The following MASP1 variants were observed in gnomAD, a reference collection of about 807,000 sequenced individuals.
MASP1 encodes mannan-binding lectin serine protease 1.
A neutral mutation model predicts 77.1 loss-of-function variants in MASP1; 59 were observed. The observed-to-expected ratio is 0.77, with a 90% CI of 0.62 to 0.95. MASP1 has a LOEUF of 0.95. Among genes scored for constraint, MASP1 ranks in the 40% least tolerant of loss-of-function variants. The pLI is 0.00. For synonymous variants in MASP1, 362 were observed against 354.5 expected (o/e 1.02, Z -0.24); for missense variants, 885 against 912.9 (o/e 0.97, Z 0.39).
chr3:187,251,963 T>A (rs1714645708), intron 6 of MASP1, among the ~76,000 whole-genome samples: 1 of 152,220 alleles, frequency 6.6e-6, no homozygotes, highest in African/African-American at 2.4e-5. Flanking sequence ...ACTTGTAGAA[T>A]GAAATGGTTG....
chr3:187,247,672 T>A (rs1442581368), intron 8 of MASP1, among the ~76,000 whole-genome samples: 1 of 152,234 alleles, frequency 6.6e-6, no homozygotes, highest in Non-Finnish European at 1.5e-5. Context: ...TGCCTGCATC[T>A]GGTCCAAACC....
At chr3:187,251,136 A>G (rs1418290279) in intron 7 of MASP1, among the ~76,000 whole-genome samples, 1 of 151,784 alleles carries the variant, frequency 6.6e-6, no homozygotes, top group African/African-American at 2.4e-5. Flanking sequence ...TTTTTGTATT[A>G]TTTAGTAGAG....
intron 10 of MASP1, among the ~76,000 whole-genome samples, chr3:187,240,222 C>A (rs1713516773): frequency 6.6e-6 from 1 of 151,716 alleles, no homozygotes; most frequent in Admixed American, 6.6e-5. Flanking sequence ...AATATACCAA[C>A]CGTGTACTAG....
intron 13 of MASP1, among the ~76,000 whole-genome samples, chr3:187,224,588 C>T (rs1274847710): frequency 1.3e-5 from 2 of 151,862 alleles, no homozygotes; most frequent in South Asian, 2.1e-4. Context: ...CCTCGTGATC[C>T]GCCCGCCTCG....
At chr3:187,222,011 C>T (rs1712088796) in intron 14 of MASP1, among the ~76,000 whole-genome samples, 1 of 152,146 alleles carries the variant, frequency 6.6e-6, no homozygotes, top group Non-Finnish European at 1.5e-5. Context: ...TCCTGTTGCC[C>T]TTGCTGGGAG....
chr3:187,267,880 A>C (rs1321681514), intron 2 of MASP1, among the ~76,000 whole-genome samples: 1 of 147,096 alleles, frequency 6.8e-6, no homozygotes, highest in Non-Finnish European at 1.5e-5. Context: ...CCCATTTCCA[A>C]CTTTTACTTG....
chr3:187,262,436 T>C (rs1715663224), intron 3 of MASP1, 107 bp downstream of exon 3: 5 of 1,091,200 alleles, frequency 4.6e-6, no homozygotes, highest in Non-Finnish European at 7.0e-6. Context: ...TGGTAAAATC[T>C]ATGTGGTGCA....
At chr3:187,285,718 G>C in intron 2 of MASP1, 107 bp downstream of exon 2, 2 of 856,598 alleles carry the variant, frequency 2.3e-6, no homozygotes, top group East Asian at 5.1e-5. Context: ...TTGTGATGTT[G>C]TGTGTCTCTC....
chr3:187,281,528 C>T (rs1365764918), intron 2 of MASP1, among the ~76,000 whole-genome samples: 1 of 152,204 alleles, frequency 6.6e-6, no homozygotes, highest in Non-Finnish European at 1.5e-5. Flanking sequence ...TGGTAAAGAA[C>T]AGTGTTGGCA....
chr3:187,246,190 T>G (rs568419914), intron 8 of MASP1, among the ~76,000 whole-genome samples: 1 of 152,362 alleles, frequency 6.6e-6, no homozygotes, highest in South Asian at 2.1e-4. Context: ...TAATTCTAAC[T>G]GGGCAGGGCT....
At chr3:187,240,155 T>G (rs1295097516) in intron 10 of MASP1, among the ~76,000 whole-genome samples, 1 of 114,332 alleles carries the variant, frequency 8.7e-6, no homozygotes, top group East Asian at 2.4e-4. Context: ...AACCTCTTTT[T>G]CTGTGTAAAT....
chr3:187,262,473 G>T, intron 3 of MASP1, 70 bp downstream of exon 3: 2 of 1,469,330 alleles, frequency 1.4e-6, no homozygotes, highest in Non-Finnish European at 1.9e-6. Flanking sequence ...GTAAAGGAGA[G>T]GTCACAAGGC....
At chr3:187,251,438 G>A (rs990299581) in intron 7 of MASP1, 196 bp downstream of exon 7, 5 of 455,702 alleles carry the variant, frequency 1.1e-5, no homozygotes, top group Non-Finnish European at 1.6e-5. Flanking sequence ...ACAAACTTTT[G>A]TGCCACTTTC....
intron 2 of MASP1, among the ~76,000 whole-genome samples, chr3:187,267,600 T>A (rs1341845628): frequency 6.6e-6 from 1 of 152,282 alleles, no homozygotes; most frequent in Admixed American, 6.5e-5. Context: ...TCCTCTACTC[T>A]GCACCCGGCT....
rs1714098757 is a variant in MASP1, at chr3:187,246,572, CAG to C, written c.1091-2953_1091-2952del. The C allele has an allele frequency of 3.0e-6, 3 of 985,520 alleles. No individual in the cohort carries two copies. The African/African-American group carries it at 5.2e-5, about 17-fold the overall frequency. 61.0% of individuals were successfully genotyped at this position (985,520 alleles called of 1,614,324 possible). ...GTGTGTCCAGATGTTCAGACGGAAGCAGAGATTCCAGCTGCCACTCCCCAGCC... is the reference window on the plus strand; with the variant it reads ...GTGTGTCCAGATGTTCAGACGGAAGCAGATTCCAGCTGCCACTCCCCAGCC... On this transcript the variant is annotated intron_variant, in intron 8 of 10. Transcript: ENST00000296280.
chr3:187,223,019 C>T (rs1243627125), intron 14 of MASP1: 1 of 975,542 alleles, frequency 1.0e-6, no homozygotes, highest in South Asian at 1.3e-5. Context: ...GTTTCCCACT[C>T]ACCAACCCCC....
chr3:187,287,773 T>A (rs1401843827), intron 1 of MASP1, among the ~76,000 whole-genome samples: 2 of 152,208 alleles, frequency 1.3e-5, no homozygotes, highest in Non-Finnish European at 2.9e-5. Context: ...CATCTTCAGA[T>A]TAACAATGAT....
chr3:187,247,383 T>A (rs374717852), intron 8 of MASP1: 1 of 1,613,984 alleles, frequency 6.2e-7, no homozygotes, highest in Non-Finnish European at 8.5e-7. Flanking sequence ...TCGATTTCAT[T>A]TTCTGCCACC....
Position 187,236,486 on chromosome 3 carries a change from G to C in MASP1, c.1385C>G (p.Pro462Arg), listed in dbSNP as rs1432722374. 2 of 1,614,042 alleles carry C rather than the reference G, an allele frequency of 1.2e-6. No individual in the cohort carries two copies. The highest frequency in any genetic ancestry group is 1.7e-6 in the Non-Finnish European group (2 of 1,180,018). Reference sequence around the variant, plus strand: ...CTCCACCACTATCAGGGCCTGCCACGGGAAGAGGCCAGGCTCAGCATTTCG... The same window carrying C: ...CTCCACCACTATCAGGGCCTGCCACCGGAAGAGGCCAGGCTCAGCATTTCG... ...GGRNAEPGLFPWQALIVVEDT... is the reference protein window; with the variant it reads ...GGRNAEPGLFRWQALIVVEDT... Residue 462 changes from proline (P) to arginine (R), a missense_variant, in exon 11 of 11, where the codon CCG (proline) becomes CGG (arginine). Transcript: ENST00000296280.
Sources: gnomAD v4.1 joint callset for allele counts (sites outside exome capture counted in the v4.1 genomes callset) on GRCh38, gnomAD v4.1.1 for gene constraint, MANE v1.5 for transcripts, NCBI Gene and HGNC (gene_info 2026-07-23, HGNC 2026-07-21) for gene names.